The following RAB40C variants were observed in gnomAD, a reference collection of about 807,000 sequenced individuals.
The protein encoded by RAB40C is RAB40C, member RAS oncogene family, also known as ras-related protein Rab-40C.
A neutral mutation model predicts 28.1 loss-of-function variants in RAB40C; 8 were observed. The observed-to-expected ratio is 0.28, with a 90% CI of 0.17 to 0.51. The LOEUF is 0.51. Ranked by LOEUF, RAB40C falls within the 20% of genes least tolerant of loss-of-function variation. The pLI is 0.97. For missense variants in RAB40C, 288 were observed against 405.9 expected (o/e 0.71, Z 2.50); for synonymous variants, 201 against 171.7 (o/e 1.17, Z -1.34).
At chr16:626,353 G>A (rs2036833369) in intron 5 of RAB40C, among the ~76,000 whole-genome samples, 1 of 152,180 alleles carries the variant, frequency 6.6e-6, no homozygotes, top group African/African-American at 2.4e-5. Flanking sequence ...TCAGGGTGCC[G>A]CCGTGGCCGC....
At chr16:620,238 C>G (rs963959686) in intron 3 of RAB40C, among the ~76,000 whole-genome samples, 21 of 152,310 alleles carry the variant, frequency 1.4e-4, no homozygotes, top group Admixed American at 7.2e-4. Flanking sequence ...ACGAAAAATA[C>G]AAAAATTAGC....
At chr16:627,250 C>G in intron 5 of RAB40C, 92 bp from the exon 6 acceptor site, 1 of 1,309,060 alleles carries the variant, frequency 7.6e-7, no homozygotes, top group African/African-American at 1.5e-5. Flanking sequence ...AGTGTGGAGA[C>G]CCCGCCAGGC....
chr16:626,769 C>T (rs1258171568), intron 5 of RAB40C, among the ~76,000 whole-genome samples: 1 of 152,180 alleles, frequency 6.6e-6, no homozygotes, highest in East Asian at 1.9e-4. Flanking sequence ...GAAACCCCGT[C>T]TCTACTAAAA....
rs1490285985 is a variant in RAB40C at position 602,233 on chromosome 16, G to A, written c.142+11800G>A. 2.6e-5 allele frequency among the ~76,000 whole-genome samples: 4 copies of A among 151,176 alleles called. No individual in the cohort carries two copies. The East Asian group carries it at 7.8e-4, about 29-fold the overall frequency. On this transcript the variant is annotated intron_variant, in intron 1 of 5. Transcript: ENST00000248139. ...TGGAATGAAATATATGACAACATTAGCAGTGGTCATCTCTGTTTTTTTTTT... is the reference window on the plus strand; with the variant it reads ...TGGAATGAAATATATGACAACATTAACAGTGGTCATCTCTGTTTTTTTTTT...
chr16:618,355 C>G (rs2036633135), intron 3 of RAB40C, 95 bp downstream of exon 3: 1 of 1,229,938 alleles, frequency 8.1e-7, no homozygotes, highest in Admixed American at 2.5e-5. Context: ...CTCCCAAGGA[C>G]TTTCTTTCTT....
At chr16:602,045 C>G (rs112610137) in intron 1 of RAB40C, among the ~76,000 whole-genome samples, 26,668 of 151,814 alleles carry the variant, frequency 0.18, 2,563 homozygotes, top group South Asian at 0.26. Context: ...AGAATCGCTT[C>G]AACCCAGGAG....
chr16:600,379 C>T (rs1377873178), intron 1 of RAB40C, among the ~76,000 whole-genome samples: 2 of 152,222 alleles, frequency 1.3e-5, no homozygotes, highest in East Asian at 1.9e-4. Flanking sequence ...GTAATAGTAG[C>T]AAGTGCAAAG....
At chr16:598,832 A>G (rs546177594) in intron 1 of RAB40C, among the ~76,000 whole-genome samples, 17 of 152,326 alleles carry the variant, frequency 1.1e-4, no homozygotes, top group African/African-American at 3.8e-4. Flanking sequence ...CAGCGGCCGG[A>G]TGTAAGAACC....
At chr16:623,514 C>G (rs1241468056) in intron 3 of RAB40C, among the ~76,000 whole-genome samples, 1 of 151,792 alleles carries the variant, frequency 6.6e-6, no homozygotes, top group Non-Finnish European at 1.5e-5. Flanking sequence ...ATTAGCCGGG[C>G]ATGGTGGCGG....
At chr16:589,357 C>T (rs1357286635), upstream of RAB40C, 1 of 152,280 alleles carries the variant, frequency 6.6e-6, no homozygotes, top group Non-Finnish European at 1.5e-5. Flanking sequence ...AGAGAGGACG[C>T]GCCCGGGGCC....
chr16:593,082 C>T (rs984601458), intron 1 of RAB40C, among the ~76,000 whole-genome samples: 4 of 152,206 alleles, frequency 2.6e-5, no homozygotes, highest in African/African-American at 7.2e-5. Context: ...CCTGTGGCCT[C>T]GAGCAGAGAA....
chr16:617,067 G>A (rs564679936), intron 1 of RAB40C, 141 bp from the exon 2 acceptor site: 1 of 848,840 alleles, frequency 1.2e-6, no homozygotes, highest in Non-Finnish European at 1.9e-6. Flanking sequence ...ATTTCCCCCT[G>A]CCCCACTGGC....
intron 1 of RAB40C, among the ~76,000 whole-genome samples, chr16:615,455 G>C (rs2036567987): frequency 6.6e-6 from 1 of 152,194 alleles, no homozygotes; most frequent in Non-Finnish European, 1.5e-5. Flanking sequence ...CAAGCCCCTT[G>C]GAGAAAGTGT....
chr16:615,860 G>T (rs1259028081), intron 1 of RAB40C, among the ~76,000 whole-genome samples: 1 of 152,282 alleles, frequency 6.6e-6, no homozygotes, highest in East Asian at 1.9e-4. Context: ...TACTTGGGAG[G>T]CTGAGGCAGG....
chr16:590,898 G>C (rs1462575581), intron 1 of RAB40C, among the ~76,000 whole-genome samples: 3 of 150,244 alleles, frequency 2.0e-5, no homozygotes, highest in Non-Finnish European at 3.0e-5. Flanking sequence ...GCAGGATCTG[G>C]GGTCTGGGAG....
chr16:592,087 C>T (rs2036012330), intron 1 of RAB40C, among the ~76,000 whole-genome samples: 1 of 152,232 alleles, frequency 6.6e-6, no homozygotes, highest in South Asian at 2.1e-4. Flanking sequence ...GAACTGGGAG[C>T]AGTCAGCATC....
intron 1 of RAB40C, among the ~76,000 whole-genome samples, chr16:609,678 G>T (rs1346374763): frequency 6.6e-6 from 1 of 152,210 alleles, no homozygotes. Flanking sequence ...AACGCTCAGA[G>T]CACCGGAAGG....
At chr16:622,994 CCTCA>C (rs1282991393) in intron 3 of RAB40C, among the ~76,000 whole-genome samples, 1 of 152,128 alleles carries the variant, frequency 6.6e-6, no homozygotes, top group Non-Finnish European at 1.5e-5. Context: ...GTCCCTGCGG[CCTCA>C]CTGTGACCCA....
chr16:596,506 T>A (rs1048154860), intron 1 of RAB40C: 3 of 340,428 alleles, frequency 8.8e-6, no homozygotes, highest in Non-Finnish European at 1.2e-5. Context: ...TCAGCCAGGG[T>A]GTCATCCGCC....
Sources: gnomAD v4.1 joint callset for allele counts (sites outside exome capture counted in the v4.1 genomes callset) on GRCh38, gnomAD v4.1.1 for gene constraint, MANE v1.5 for transcripts, NCBI Gene and HGNC (gene_info 2026-07-23, HGNC 2026-07-21) for gene names.